INPP4B: variants seen among roughly 807,000 people sequenced by gnomAD.
INPP4B encodes the protein inositol polyphosphate-4-phosphatase type II B.
Under a neutral mutation model 122.5 loss-of-function variants are expected in INPP4B, and 55 were observed. The observed-to-expected ratio is 0.45, with a 90% confidence interval of 0.36 to 0.56. The LOEUF is 0.56. Among genes scored for constraint, INPP4B ranks in the 20% least tolerant of loss-of-function variants. The pLI is 0.00. For missense variants in INPP4B, 1,000 were observed against 1,097.7 expected (o/e 0.91, Z 1.26); for synonymous variants, 403 against 388.7 (o/e 1.04, Z -0.43).
intron 1 of INPP4B, among the ~76,000 whole-genome samples, chr4:142,759,804 G>A (rs995097900): frequency 1.9e-5 from 2 of 104,924 alleles, no homozygotes; most frequent in African/African-American, 7.9e-5. Flanking sequence ...ACTTACCCCA[G>A]AGCTTATATA....
At chr4:142,777,354 T>C (rs1213054215) in intron 1 of INPP4B, among the ~76,000 whole-genome samples, 2 of 152,166 alleles carry the variant, frequency 1.3e-5, no homozygotes, top group African/African-American at 4.8e-5. Context: ...AGCAATCATG[T>C]GTAAACTGCC....
chr4:142,254,090 G>A (rs978702639), intron 11 of INPP4B, among the ~76,000 whole-genome samples: 8 of 152,040 alleles, frequency 5.3e-5, no homozygotes, highest in Admixed American at 6.5e-5. Context: ...CCCCAGCAGG[G>A]GCAGACTGAC....
At chr4:142,428,112 C>G (rs904874366) in intron 5 of INPP4B, among the ~76,000 whole-genome samples, 4 of 151,054 alleles carry the variant, frequency 2.6e-5, no homozygotes, top group Non-Finnish European at 4.4e-5. Flanking sequence ...GAATTACATA[C>G]CAATTATGGT....
At chr4:142,663,005 G>T (rs574392503) in intron 2 of INPP4B, among the ~76,000 whole-genome samples, 1 of 152,162 alleles carries the variant, frequency 6.6e-6, no homozygotes, top group South Asian at 2.1e-4. Context: ...TTTTTCCTAA[G>T]TATTAAAAGT....
chr4:142,155,155 T>G (rs1459954267), intron 17 of INPP4B, among the ~76,000 whole-genome samples: 2 of 152,058 alleles, frequency 1.3e-5, no homozygotes, highest in East Asian at 3.9e-4. Flanking sequence ...TTGAAAAAGT[T>G]TAATCATAGA....
intron 2 of INPP4B, among the ~76,000 whole-genome samples, chr4:142,671,182 A>G (rs1370302193): frequency 6.6e-6 from 1 of 152,160 alleles, no homozygotes; most frequent in East Asian, 1.9e-4. Context: ...TCAGAGGATC[A>G]TTATAACCAC....
chr4:142,438,472 A>G (rs1032708189), intron 3 of INPP4B, among the ~76,000 whole-genome samples: 24 of 152,164 alleles, frequency 1.6e-4, no homozygotes, highest in Non-Finnish European at 3.2e-4. Flanking sequence ...TATCTAATAA[A>G]TGGTGCTGGA....
At chr4:142,148,818 A>G (rs1371076738) in intron 17 of INPP4B, among the ~76,000 whole-genome samples, 1 of 152,198 alleles carries the variant, frequency 6.6e-6, no homozygotes, top group Non-Finnish European at 1.5e-5. Context: ...AAAGGGTTAC[A>G]TATATGGTAG....
intron 9 of INPP4B, among the ~76,000 whole-genome samples, chr4:142,282,695 C>T (rs1751755817): frequency 6.6e-6 from 1 of 152,120 alleles, no homozygotes; most frequent in African/African-American, 2.4e-5. Flanking sequence ...ATTGGCAGTT[C>T]ACATGGTGGT....
intron 15 of INPP4B, among the ~76,000 whole-genome samples, chr4:142,187,651 T>A (rs1452395956): frequency 6.6e-6 from 1 of 151,922 alleles, no homozygotes; most frequent in Non-Finnish European, 1.5e-5. Flanking sequence ...TGATGTGCAC[T>A]GGGGTGATCT....
intron 2 of INPP4B, among the ~76,000 whole-genome samples, chr4:142,643,492 C>A (rs959012175): frequency 2.6e-5 from 4 of 152,118 alleles, no homozygotes; most frequent in African/African-American, 7.2e-5. Context: ...GCCTCTAATG[C>A]GCTGGCAATC....
chr4:142,388,685 T>A (rs1796721906), intron 7 of INPP4B, among the ~76,000 whole-genome samples: 1 of 152,162 alleles, frequency 6.6e-6, no homozygotes. Context: ...GAGCTTTAAT[T>A]TAGTGTACAA....
At chr4:142,566,318 G>T (rs1364989083) in intron 2 of INPP4B, 1 of 152,160 alleles carries the variant, frequency 6.6e-6, no homozygotes, top group African/African-American at 2.4e-5. Context: ...CATAGAAATG[G>T]AGAAAAGGAA....
chr4:142,366,555 T>C (rs964321455), intron 7 of INPP4B, among the ~76,000 whole-genome samples: 4 of 152,226 alleles, frequency 2.6e-5, no homozygotes, highest in African/African-American at 9.6e-5. Flanking sequence ...TTAGTTTACG[T>C]AGGCAAATCG....
At position 142,352,888 on chromosome 4, in the gene INPP4B, C is replaced by A. The variant is rs572635170; in HGVS notation, c.373-38126G>T. Among the ~76,000 whole-genome samples, 4 of 151,906 alleles carry A rather than the reference C, an allele frequency of 2.6e-5. 1 individual carries two copies. The highest frequency in any genetic ancestry group is 1.3e-4 in the Admixed American group (2 of 15,232). On this transcript the variant is annotated intron_variant, in intron 7 of 25. Transcript: ENST00000262992. ...TCACATGCTACGTTATCCATGGAAA[C>A]TTTAGCTGATGACAAGTGGCCTATT...
chr4:142,834,321 C>T (rs942841666), intron 1 of INPP4B, among the ~76,000 whole-genome samples: 1 of 152,132 alleles, frequency 6.6e-6, no homozygotes, highest in Non-Finnish European at 1.5e-5. Flanking sequence ...GTTCAGGTAA[C>T]ACTCAAATAC....
At chr4:142,499,737 C>G (rs76131757) in intron 2 of INPP4B, among the ~76,000 whole-genome samples, 2 of 152,238 alleles carry the variant, frequency 1.3e-5, no homozygotes, top group East Asian at 3.9e-4. Flanking sequence ...ATACCAATTA[C>G]TAATTCAATA....
intron 2 of INPP4B, among the ~76,000 whole-genome samples, chr4:142,666,137 A>G (rs965063148): frequency 2.6e-5 from 4 of 152,196 alleles, no homozygotes; most frequent in African/African-American, 7.2e-5. Flanking sequence ...GTATGTGTAT[A>G]TATCTGTGTG....
At chr4:142,313,104 GA>G (rs1766178310) in intron 8 of INPP4B, among the ~76,000 whole-genome samples, 2 of 152,164 alleles carry the variant, frequency 1.3e-5, no homozygotes, top group South Asian at 4.1e-4. Flanking sequence ...GAAATGGTGG[GA>G]GGAGGTAGAA....
Sources: allele counts gnomAD v4.1 joint callset (sites outside exome capture counted in the v4.1 genomes callset), GRCh38; gene constraint gnomAD v4.1.1; transcripts MANE v1.5; gene names NCBI Gene and HGNC (gene_info 2026-07-23, HGNC 2026-07-21).